KCNH7: variants seen among roughly 807,000 people sequenced by gnomAD.
KCNH7 encodes potassium voltage-gated channel subfamily H member 7.
A neutral mutation model predicts 120.8 loss-of-function variants in KCNH7; 49 were observed. The ratio of observed to expected loss-of-function variants is 0.41; its 90% CI spans 0.32 to 0.51. The LOEUF (loss-of-function observed/expected upper bound fraction) is 0.51, where lower values mean the gene tolerates loss of function less well. Among genes scored for constraint, KCNH7 ranks in the 20% least tolerant of loss-of-function variants. KCNH7 has a pLI of 0.38. For missense variants in KCNH7, 1,097 were observed against 1,446.6 expected (o/e 0.76, Z 3.92); for synonymous variants, 547 against 516.1 (o/e 1.06, Z -0.81).
At chr2:162,752,929 A>AAAAGAAAAGAAAAGAAAAGAAAAGAAAAG (rs1688624471) in intron 2 of KCNH7, among the ~76,000 whole-genome samples, 5 of 81,768 alleles carry the variant, frequency 6.1e-5, no homozygotes, top group Non-Finnish European at 1.1e-4. Flanking sequence ...AAAAGAAAAG[A>AAAAGAAAAGAAAAGAAAAGAAAAGAAAAG]AAAGAAAAGA....
At chr2:162,596,957 T>G (rs894099392) in intron 2 of KCNH7, among the ~76,000 whole-genome samples, 7 of 152,068 alleles carry the variant, frequency 4.6e-5, no homozygotes, top group African/African-American at 1.7e-4. Context: ...CAAAACATGC[T>G]TAACACTACT....
chr2:162,677,846 T>A (rs556150025), intron 2 of KCNH7, among the ~76,000 whole-genome samples: 1 of 151,640 alleles, frequency 6.6e-6, no homozygotes, highest in South Asian at 2.1e-4. Context: ...TCCCAGTGGA[T>A]GTGTAGTTCT....
intron 2 of KCNH7, among the ~76,000 whole-genome samples, chr2:162,735,269 T>A (rs1284189250): frequency 1.3e-5 from 2 of 152,214 alleles, no homozygotes; most frequent in Admixed American, 1.3e-4. Flanking sequence ...ATTCACTTCA[T>A]AAACTCTGAG....
Position 162,470,280 on chromosome 2 carries a change from G to A in KCNH7, c.1129-23837C>T, listed in dbSNP as rs539753692. On this transcript the variant is annotated intron_variant, in intron 6 of 15. Coordinates refer to ENST00000332142, the MANE Select transcript of KCNH7 (RefSeq NM_033272.4). ...AAGTGAGGAGCGTCTCTGCCCGCCC[G>A]CCCATCGTCTGAGATGTGGGGAGCG... Among the ~76,000 whole-genome samples, 25 of 151,862 alleles carry A rather than the reference G, an allele frequency of 1.6e-4. No homozygotes were observed. The South Asian group carries it at 2.1e-3, about 13-fold the overall frequency.
intron 2 of KCNH7, among the ~76,000 whole-genome samples, chr2:162,663,531 T>C (rs1428321784): frequency 6.6e-6 from 1 of 152,178 alleles, no homozygotes; most frequent in East Asian, 1.9e-4. Flanking sequence ...TAGTGCTGAT[T>C]AGTTTGCTCT....
chr2:162,786,492 T>C (rs1683711180), intron 2 of KCNH7, among the ~76,000 whole-genome samples: 2 of 152,184 alleles, frequency 1.3e-5, no homozygotes, highest in African/African-American at 4.8e-5. Context: ...TTTTTGAGCT[T>C]GTACTTCTAT....
At chr2:162,613,520 C>A (rs1352138695) in intron 2 of KCNH7, among the ~76,000 whole-genome samples, 1 of 151,932 alleles carries the variant, frequency 6.6e-6, no homozygotes. Flanking sequence ...GTTATTTAAG[C>A]TTTTCATCAA....
intron 2 of KCNH7, among the ~76,000 whole-genome samples, chr2:162,828,528 T>A (rs979531880): frequency 6.6e-6 from 1 of 151,950 alleles, no homozygotes; most frequent in African/African-American, 2.4e-5. Context: ...TGCAAAAGAA[T>A]TAATGTCCTA....
chr2:162,763,371 G>A lies in KCNH7; in HGVS notation c.307+73166C>T, dbSNP rs144704363. Among the ~76,000 whole-genome samples the A allele has an allele frequency of 9.3e-3, 1,416 of 152,000 alleles. 21 individuals are homozygous for A. The highest frequency in any genetic ancestry group is 0.028 in the African/African-American group (1,153 of 41,484). On this transcript the variant is annotated intron_variant, in intron 2 of 15. Coordinates refer to ENST00000332142, the MANE Select transcript of KCNH7 (RefSeq NM_033272.4). ...CTATGCCATTTGCTTTCCACTTAAC[G>A]ATATACCAAGTAGATATAGTTTGTT...
intron 2 of KCNH7, among the ~76,000 whole-genome samples, chr2:162,599,007 G>A (rs1694465230): frequency 6.6e-6 from 1 of 152,014 alleles, no homozygotes; most frequent in Non-Finnish European, 1.5e-5. Context: ...TGTAATCTTA[G>A]CACTTTGGGA....
intron 2 of KCNH7, among the ~76,000 whole-genome samples, chr2:162,756,952 T>G (rs1688807438): frequency 6.6e-6 from 1 of 152,136 alleles, no homozygotes; most frequent in Non-Finnish European, 1.5e-5. Context: ...TCAATATCAA[T>G]TTTTTAAAGC....
At chr2:162,398,695 G>C (rs1315525629) in intron 10 of KCNH7, among the ~76,000 whole-genome samples, 1 of 151,890 alleles carries the variant, frequency 6.6e-6, no homozygotes, top group Non-Finnish European at 1.5e-5. Flanking sequence ...ACTTGATAAA[G>C]CAAGAAAGCT....
Position 162,536,970 on chromosome 2 carries a change from T to C in KCNH7, c.418A>G (p.Thr140Ala), listed in dbSNP as rs1692130455. 1 of 1,612,796 alleles carries C rather than the reference T, an allele frequency of 6.2e-7. No homozygotes were observed. Among genetic ancestry groups the C allele is most frequent in the Non-Finnish European group, 8.5e-7 (1 of 1,179,224 alleles). Reference sequence around the variant, plus strand: ...AATATTGGGTTTACCCTCTCTGGGGTGGCAGCGTTTTCATTATCCGTCACA... The same window carrying C: ...AATATTGGGTTTACCCTCTCTGGGGCGGCAGCGTTTTCATTATCCGTCACA... ...EYVTDNENAA[T>A]PERVNPILPI... Residue 140 changes from threonine (T) to alanine (A), a missense_variant, in exon 3 of 16, where the codon ACC (threonine) becomes GCC (alanine). By Grantham distance (58) the Thr-to-Ala change is moderately conservative. Around this residue, in one of 8 missense-constraint regions of KCNH7, gnomAD observed 362 missense variants for 372.2 expected, o/e 0.97. Coordinates refer to ENST00000332142, the MANE Select transcript of KCNH7 (RefSeq NM_033272.4).
intron 2 of KCNH7, among the ~76,000 whole-genome samples, chr2:162,696,570 C>A (rs1338711141): frequency 6.6e-6 from 1 of 151,884 alleles, no homozygotes; most frequent in East Asian, 1.9e-4. Flanking sequence ...AGTCTAGAGA[C>A]AAAGACCACT....
intron 2 of KCNH7, among the ~76,000 whole-genome samples, chr2:162,765,526 A>C (rs145853114): frequency 6.6e-6 from 1 of 152,142 alleles, no homozygotes. Flanking sequence ...CTAGAGGTGC[A>C]TATGTCTTAC....
rs1202335954 is a variant in KCNH7 at position 162,400,324 on chromosome 2, C to T, written c.2272G>A (p.Ala758Thr). 1 of 1,612,378 alleles carries T rather than the reference C, an allele frequency of 6.2e-7. No homozygotes were observed. Among genetic ancestry groups the T allele is most frequent in the Non-Finnish European group, 8.5e-7 (1 of 1,179,068 alleles). The change falls in exon 10 of 16, where the codon GCA (alanine) becomes ACA (threonine). Residue 758 changes from alanine (A) to threonine (T), a missense_variant. Physicochemically the swap from Ala to Thr is moderately conservative, Grantham distance 58. Transcript: ENST00000332142. ...GCATGGGTGGTTTTGAACTTCATTGCCAAAGCTCTAAGGCAACCTTTACTT... is the reference window on the plus strand; with the variant it reads ...GCATGGGTGGTTTTGAACTTCATTGTCAAAGCTCTAAGGCAACCTTTACTT... ...GASKGCLRAL[A>T]MKFKTTHAPP...
In KCNH7 at chr2:162,394,468, T is replaced by G. The variant is rs751514941; in HGVS notation, c.2631A>C (p.Ser877=). ...CTCCTTCTGAATCATTCATGGATTG[T>G]GATCGTAGGAGATCAGCCTTTGTTA... ...HESAKADLLR[S]QSMNDSEGDN... is the part of the protein sequence containing the mutation. Residue 877 remains serine (S), a synonymous_variant, in exon 12 of 16, where the codon TCA becomes TCC. Transcript: ENST00000332142. 1.2e-6 allele frequency: 2 copies of G among 1,602,144 alleles called. No individual in the cohort carries two copies. The highest frequency in any genetic ancestry group is 1.7e-4 in the Middle Eastern group (1 of 6,000).
chr2:162,820,260 A>T (rs1463912735), intron 2 of KCNH7, among the ~76,000 whole-genome samples: 2 of 34,924 alleles, frequency 5.7e-5, no homozygotes, highest in Non-Finnish European at 1.6e-4. Context: ...TGTGTTTAGT[A>T]GAGACGGGGT....
At chr2:162,780,573 G>A (rs1343938663) in intron 2 of KCNH7, among the ~76,000 whole-genome samples, 1 of 152,102 alleles carries the variant, frequency 6.6e-6, no homozygotes, top group East Asian at 1.9e-4. Context: ...TTGTGACAAT[G>A]TCCAAACACA....
Sources: allele counts gnomAD v4.1 joint callset (sites outside exome capture counted in the v4.1 genomes callset), GRCh38; gene constraint gnomAD v4.1.1; regional missense constraint gnomAD v4.1.1; transcripts MANE v1.5; gene names NCBI Gene and HGNC (gene_info 2026-07-23, HGNC 2026-07-21).